The following ZNF546 variants were observed in gnomAD, a reference collection of about 807,000 sequenced individuals.
ZNF546 encodes the protein zinc finger protein 546.
A neutral mutation model predicts 76.2 loss-of-function variants in ZNF546; 60 were observed. The ratio of observed to expected loss-of-function variants is 0.79; its 90% CI spans 0.64 to 0.98. The LOEUF is 0.98. ZNF546 is among the 50% of genes least tolerant of loss of function. The pLI is 0.00. For synonymous variants in ZNF546, 277 were observed against 328.1 expected, an observed-to-expected ratio of 0.84 and a Z score of 1.68; for missense variants, 936 against 1,035.6, an observed-to-expected ratio of 0.90 and a Z score of 1.32.
Position 40,017,777 on chromosome 19 carries a change from T to C in ZNF546, c.*1996T>C, listed in dbSNP as rs1224308862. The C allele has an allele frequency of 6.6e-6, 1 of 152,246 alleles. No homozygotes were observed. The highest frequency in any genetic ancestry group is 1.9e-4 in the East Asian group (1 of 5,184). The allele number at this position is 152,246 out of a possible 1,614,324, so 9.4% of individuals were successfully genotyped here. On this transcript the variant is annotated 3_prime_UTR_variant, in exon 7 of 7. Coordinates refer to ENST00000347077, the MANE Select transcript of ZNF546 (RefSeq NM_178544.5). ...CACACCTAAGGAGATTAGCAATAAT[T>C]CCATAATCTGTAATATTCAGTCTGT... is the stretch of plus-strand genomic sequence containing the variant.
In ZNF546 at chr19:40,014,061, A is replaced by G. The variant is rs751530701; in HGVS notation, c.791A>G (p.His264Arg). 1.4e-5 allele frequency: 22 copies of G among 1,612,784 alleles called. No individual in the cohort carries two copies. In the South Asian group the frequency reaches 2.4e-4, roughly 18 times the overall value. The change falls in exon 7 of 7, where the codon CAC (histidine) becomes CGC (arginine). Residue 264 changes from histidine (H) to arginine (R), a missense_variant. By Grantham distance (29) the His-to-Arg change is conservative. Coordinates refer to ENST00000347077, the MANE Select transcript of ZNF546 (RefSeq NM_178544.5). ...CGAGTGGGAGACCTTAGAGTACATC[A>G]CACAATCCATGCTGGGGAGAGACCC... Reference protein sequence around the residue: ...FCRVGDLRVHHTIHAGERPYE... With the variant: ...FCRVGDLRVHRTIHAGERPYE...
In ZNF546 at chr19:40,008,528, G is replaced by A. The variant is rs367562674; in HGVS notation, c.357G>A (p.Trp119Ter). 1.9e-6 allele frequency: 3 copies of A among 1,613,278 alleles called. No individual in the cohort carries two copies. The highest frequency in any genetic ancestry group is 2.5e-6 in the Non-Finnish European group (3 of 1,179,354). Reference protein sequence around the residue: ...ITLLEQEKEPWIVMREGTRNW... With the variant: ...ITLLEQEKEP ...TATTGGAGCAAGAGAAAGAGCCCTG[G>A]ATAGTAATGAGGGAAGGGACAAGGA... The change falls in exon 6 of 7, where the codon TGG (tryptophan) becomes TGA (stop). Residue 119 changes from tryptophan to a stop codon, truncating the protein, a stop_gained. Transcript: ENST00000347077. LOFTEE classifies it high-confidence loss of function.
rs756361774 is a variant in ZNF546, at chr19:40,014,088, A to G, written c.818A>G (p.Tyr273Cys). 43 of 1,613,730 alleles carry G rather than the reference A, an allele frequency of 2.7e-5. No individual in the cohort carries two copies. Among genetic ancestry groups the G allele is most frequent in the African/African-American group, 5.3e-5 (4 of 74,934 alleles). ...ACAATCCATGCTGGGGAGAGACCCT[A>G]TGAATGTAAAGAATGTGGGAAGGCC... The part of the protein sequence containing the change: ...HHTIHAGERP[Y>C]ECKECGKAFR... The change falls in exon 7 of 7, where the codon TAT becomes TGT. Residue 273 changes from tyrosine (Y) to cysteine (C), a missense_variant. Coordinates refer to ENST00000347077, the MANE Select transcript of ZNF546 (RefSeq NM_178544.5).
intron 3 of ZNF546, among the ~76,000 whole-genome samples, chr19:40,003,339 A>T (rs913568139): frequency 3.9e-5 from 6 of 152,148 alleles, no homozygotes; most frequent in African/African-American, 7.2e-5. Context: ...GCCCAGCTTA[A>T]AATTTGATTT....
At chr19:40,009,196 T>G (rs561141720) in intron 6 of ZNF546, among the ~76,000 whole-genome samples, 4 of 152,320 alleles carry the variant, frequency 2.6e-5, no homozygotes, top group African/African-American at 9.6e-5. Flanking sequence ...TCTCAGGCCA[T>G]GTGAGTATTG....
chr19:40,010,103 T>G (rs2144646199), intron 6 of ZNF546, among the ~76,000 whole-genome samples: 1 of 152,238 alleles, frequency 6.6e-6, no homozygotes, highest in South Asian at 2.1e-4. Context: ...CCACACTGTG[T>G]TTGAAAGTGG....
At position 40,014,148 on chromosome 19, in the gene ZNF546, G is replaced by A. The variant is rs766185853; in HGVS notation, c.878G>A (p.Arg293Lys). The change falls in exon 7 of 7, where the codon AGA becomes AAA. Residue 293 changes from arginine to lysine, a missense_variant. Arg to Lys is a conservative substitution (Grantham distance 26). Transcript: ENST00000347077. ...RLHYHLTEHQRIHSGVKPYEC... is the reference protein window; with the variant it reads ...RLHYHLTEHQKIHSGVKPYEC... ...CATTATCACCTTACTGAACATCAGA[G>A]AATACATTCTGGTGTGAAACCCTAC... 16 of 1,613,676 alleles carry A rather than the reference G, an allele frequency of 9.9e-6. No individual in the cohort carries two copies. In the South Asian group the frequency reaches 1.8e-4, roughly 18 times the overall value.
In ZNF546 at chr19:40,018,094, C is replaced by G. The variant is rs1480589942; in HGVS notation, c.*2313C>G. 5 of 151,252 alleles carry G rather than the reference C, an allele frequency of 3.3e-5. No homozygotes were observed. The highest frequency in any genetic ancestry group is 5.9e-5 in the Non-Finnish European group (4 of 68,058). The allele number at this position is 151,252 out of a possible 1,614,324, so 9.4% of individuals were successfully genotyped here. On this transcript the variant is annotated 3_prime_UTR_variant, in exon 7 of 7. Transcript: ENST00000347077. ...GTTCAGGCAATTCTGCCTCAGCCTC[C>G]CCAGTAGCTGGGACTACAGGCGCCT...
At position 40,008,461 on chromosome 19, in the gene ZNF546, C is replaced by G. The variant is rs1278938581; in HGVS notation, c.299-9C>G. On this transcript the variant is annotated splice_polypyrimidine_tract_variant and intron_variant, in intron 5 of 6. Transcript: ENST00000347077. The stretch of plus-strand genomic sequence containing the variant: ...CTATAACATGTGTCATTTCTTTTCT[C>G]ATGAGCAGGATATACCATTCCTAAG... 6.4e-7 allele frequency: 1 copy of G among 1,556,328 alleles called. No homozygotes were observed. The highest frequency in any genetic ancestry group is 1.8e-5 in the Admixed American group (1 of 56,782).
Position 40,015,012 on chromosome 19 carries a change from A to G in ZNF546, c.1742A>G (p.Tyr581Cys). Residue 581 changes from tyrosine to cysteine, a missense_variant, in exon 7 of 7, where the codon TAC becomes TGC. Coordinates refer to ENST00000347077, the MANE Select transcript of ZNF546 (RefSeq NM_178544.5). ...CGAATTCACACCAGTGAGAGCACCT[A>G]CATATGTAAAGAATGTGGGAAGATT... Reference protein sequence around the residue: ...HQRIHTSESTYICKECGKIFS... With the variant: ...HQRIHTSESTCICKECGKIFS... 6.2e-7 allele frequency: 1 copy of G among 1,614,146 alleles called. No homozygotes were observed.
intron 3 of ZNF546, 24 bp downstream of exon 3, chr19:39,998,434 T>A: frequency 6.3e-7 from 1 of 1,589,602 alleles, no homozygotes; most frequent in Admixed American, 1.7e-5. Context: ...TATCCTGGAG[T>A]CTAAAGTTAA....
In ZNF546 at chr19:40,005,009, CTTTTTTTTT is replaced by C. The variant is rs752081163; in HGVS notation, c.85-1068_85-1060del. Among the ~76,000 whole-genome samples the C allele has an allele frequency of 8.3e-4, 72 of 86,852 alleles. No homozygotes were observed. The East Asian group carries it at 0.02, about 25-fold the overall frequency. The allele number at this position is 86,852 out of a possible 152,430, so 57.0% of individuals were successfully genotyped here. The stretch of plus-strand genomic sequence containing the variant: ...TTTTGCACCCCTAACCTGCATGCAT[CTTTTTTTTT>C]TTTTTTTTTTTTTTTTTTGAGACAG... On this transcript the variant is annotated intron_variant, in intron 3 of 6. Coordinates refer to ENST00000347077, the MANE Select transcript of ZNF546 (RefSeq NM_178544.5).
chr19:40,010,692 C>CT (rs899281303), intron 6 of ZNF546, among the ~76,000 whole-genome samples: 20 of 151,790 alleles, frequency 1.3e-4, no homozygotes, highest in Non-Finnish European at 2.4e-4. Flanking sequence ...TTCTTTCTTT[C>CT]TTTTTTTTGA....
chr19:40,001,104 A>G (rs1168887997), intron 3 of ZNF546, among the ~76,000 whole-genome samples: 2 of 152,108 alleles, frequency 1.3e-5, no homozygotes, highest in Non-Finnish European at 2.9e-5. Flanking sequence ...TGAAAATCTA[A>G]TGCTGCAGCT....
chr19:40,001,140 C>T (rs1376599136), intron 3 of ZNF546, among the ~76,000 whole-genome samples: 2 of 152,026 alleles, frequency 1.3e-5, no homozygotes, highest in South Asian at 2.1e-4. Flanking sequence ...AGAGATCAAG[C>T]GGTTAATGCT....
At chr19:40,007,461 T>G (rs1256256010) in intron 5 of ZNF546, 61 bp downstream of exon 5, 1 of 1,452,404 alleles carries the variant, frequency 6.9e-7, no homozygotes, top group East Asian at 2.5e-5. Context: ...TTCTCCACTG[T>G]CAAACTTTAG....
At chr19:40,010,883 A>G (rs914726607) in intron 6 of ZNF546, among the ~76,000 whole-genome samples, 1 of 152,090 alleles carries the variant, frequency 6.6e-6, no homozygotes, top group Admixed American at 6.5e-5. Flanking sequence ...GGGTTTCACC[A>G]CATTGGCCAG....
intron 3 of ZNF546, among the ~76,000 whole-genome samples, chr19:40,003,264 A>C (rs234314): frequency 0.16 from 23,756 of 148,014 alleles, 4,511 homozygotes; most frequent in African/African-American, 0.46. Flanking sequence ...ATCTTGATCT[A>C]CTGACCTCGT....
At chr19:40,009,721 T>C in intron 6 of ZNF546, among the ~76,000 whole-genome samples, 1 of 152,196 alleles carries the variant, frequency 6.6e-6, no homozygotes, top group East Asian at 1.9e-4. Context: ...TTTTCTAGAA[T>C]TTTGTATAAT....
Sources: allele counts gnomAD v4.1 joint callset (sites outside exome capture counted in the v4.1 genomes callset), GRCh38; gene constraint gnomAD v4.1.1; transcripts MANE v1.5; gene names NCBI Gene and HGNC (gene_info 2026-07-23, HGNC 2026-07-21).